CGN: variants seen among roughly 807,000 people sequenced by gnomAD.
CGN encodes the protein cingulin.
In CGN, 121 loss-of-function variants were observed where a neutral mutation model predicts 157.1. That is an observed-to-expected ratio of 0.77 (90% CI 0.66 to 0.90). The LOEUF (loss-of-function observed/expected upper bound fraction) is 0.90. CGN is among the 40% of genes least tolerant of loss of function. The pLI is 0.00. For missense variants in CGN, 1,424 were observed against 1,520.9 expected (o/e 0.94, Z 1.06); for synonymous variants, 535 against 607.5 (o/e 0.88, Z 1.76).
intron 1 of CGN, among the ~76,000 whole-genome samples, chr1:151,516,703 C>T (rs1049113018): frequency 9.9e-5 from 15 of 151,596 alleles, no homozygotes; most frequent in East Asian, 2.0e-4. Context: ...CTACCACGCC[C>T]GGCTGATTTT....
intron 10 of CGN, among the ~76,000 whole-genome samples, 197 bp from the exon 11 acceptor site, chr1:151,529,153 G>C (rs1188131317): frequency 6.6e-6 from 1 of 152,082 alleles, no homozygotes; most frequent in Non-Finnish European, 1.5e-5. Context: ...GGTTCTCTTG[G>C]GTTACCTAAG....
intron 2 of CGN, 24 bp from the exon 3 acceptor site, chr1:151,520,142 T>C: frequency 6.5e-7 from 1 of 1,548,668 alleles, no homozygotes; most frequent in Non-Finnish European, 8.8e-7. Context: ...TTCTTTTTTT[T>C]TTCTTTTTCT....
intron 17 of CGN, 30 bp downstream of exon 17, chr1:151,535,713 T>A: frequency 6.2e-7 from 1 of 1,609,814 alleles, no homozygotes; most frequent in Non-Finnish European, 8.5e-7. Flanking sequence ...TTCTTAGGGA[T>A]GGACCCCAGG....
At chr1:151,533,251 G>A (rs1664879150) in intron 14 of CGN, among the ~76,000 whole-genome samples, 1 of 152,212 alleles carries the variant, frequency 6.6e-6, no homozygotes, top group Non-Finnish European at 1.5e-5. Context: ...GCTGAGGCGG[G>A]CAGATCATGA....
chr1:151,517,029 G>A (rs1664430111), intron 1 of CGN, among the ~76,000 whole-genome samples: 1 of 151,544 alleles, frequency 6.6e-6, no homozygotes, highest in African/African-American at 2.4e-5. Context: ...ATGGTGGCAG[G>A]TGCCTGTAAT....
At position 151,530,122 on chromosome 1, in the gene CGN, G is replaced by T; in HGVS notation, c.2313+7G>T. 6.2e-7 allele frequency: 1 copy of T among 1,607,200 alleles called. No individual in the cohort carries two copies. Among genetic ancestry groups the T allele is most frequent in the Non-Finnish European group, 8.5e-7 (1 of 1,174,698 alleles). ...CAAGCTGCAGCGGCTGGAGGTCAGT[G>T]GTTCTGCCCTCCCAGCCCTCTCTGC... On this transcript the variant is annotated splice_region_variant and intron_variant, in intron 12 of 20. Transcript: ENST00000271636.
chr1:151,525,265 G>T (rs144682122), intron 8 of CGN, among the ~76,000 whole-genome samples: 1 of 152,258 alleles, frequency 6.6e-6, no homozygotes, highest in Admixed American at 6.5e-5. Flanking sequence ...TGGGTGTAGT[G>T]ATGCGTACTT....
intron 5 of CGN, 29 bp downstream of exon 5, chr1:151,520,720 A>G (rs371570014): frequency 6.3e-7 from 1 of 1,586,274 alleles, no homozygotes; most frequent in Non-Finnish European, 8.6e-7. Flanking sequence ...TGCCGGAGGC[A>G]TGAAGGAAAA....
rs527609954 is a variant in CGN at position 151,525,735 on chromosome 1, C to T, written c.1708C>T (p.His570Tyr). Residue 570 changes from histidine (H) to tyrosine (Y), a missense_variant, in exon 9 of 21, where the codon CAT (histidine) becomes TAT (tyrosine). His to Tyr is a moderately conservative substitution (Grantham distance 83, BLOSUM62 2). This residue lies in a region of CGN where 1,187 missense variants were observed against 1,217.6 expected (regional missense o/e 0.97). Coordinates refer to ENST00000271636, the MANE Select transcript of CGN (RefSeq NM_020770.3). ...ELEETSEETG[H>Y]WQSMFQKNKE... ...GGAGGAGACTTCAGAGGAGACAGGG[C>T]ATTGGCAGAGTATGTTCCAGAAGAA... 5 of 1,611,460 alleles carry T rather than the reference C, an allele frequency of 3.1e-6. No homozygotes were observed. The highest frequency in any genetic ancestry group is 4.2e-6 in the Non-Finnish European group (5 of 1,178,656).
At chr1:151,537,018 G>A (rs2102505564) in intron 20 of CGN, 125 bp downstream of exon 20, 1 of 1,235,314 alleles carries the variant, frequency 8.1e-7, no homozygotes, top group South Asian at 1.5e-5. Flanking sequence ...TTTCTGGTTG[G>A]AAGCCAGTAT....
At chr1:151,520,091 C>T (rs1664504877) in intron 2 of CGN, 75 bp from the exon 3 acceptor site, 7 of 1,132,592 alleles carry the variant, frequency 6.2e-6, no homozygotes, top group Non-Finnish European at 8.9e-6. Flanking sequence ...ATCTGAACCC[C>T]ACGCATGCTT....
chr1:151,527,349 G>A (rs760989327), intron 10 of CGN, among the ~76,000 whole-genome samples: 9 of 152,154 alleles, frequency 5.9e-5, no homozygotes, highest in Non-Finnish European at 1.2e-4. Context: ...GCTGCTGGCC[G>A]ACTCCCAAGA....
At position 151,536,250 on chromosome 1, in the gene CGN, C is replaced by A; in HGVS notation, c.3211C>A (p.Leu1071Met). Residue 1071 changes from leucine to methionine, a missense_variant, in exon 19 of 21, where the codon CTG becomes ATG. Around this residue, in one of 3 missense-constraint regions of CGN, gnomAD observed 199 missense variants for 272.2 expected, o/e 0.73. Coordinates refer to ENST00000271636, the MANE Select transcript of CGN (RefSeq NM_020770.3). ...ACCTCACCTTAGGGAGAAGACAGTT[C>A]TGCAGTCTACCAATCGAAAACTGGA... ...LQAEEREKTV[L>M]QSTNRKLERK... is the part of the protein sequence containing the mutation. 6.2e-7 allele frequency: 1 copy of A among 1,601,916 alleles called. No individual in the cohort carries two copies. Among genetic ancestry groups the A allele is most frequent in the Non-Finnish European group, 8.6e-7 (1 of 1,168,856 alleles).
chr1:151,524,237 T>C lies in CGN; in HGVS notation c.1280T>C (p.Met427Thr), dbSNP rs1309306695. The change falls in exon 7 of 21, where the codon ATG becomes ACG. Residue 427 changes from methionine to threonine, a missense_variant. Transcript: ENST00000271636. This position sits in a 1 kb window ranked among gnomAD's most constrained non-coding sequence, Gnocchi z 4.4. ...AQQSNKELQN[M>T]KRLLDQGEDL... is the part of the protein sequence containing the mutation. ...TTATCTATTATTAGGCTCCAGAACA[T>C]GAAGCGCCTCTTGGACCAGGGTGAA... 3 of 1,613,866 alleles carry C rather than the reference T, an allele frequency of 1.9e-6. No homozygotes were observed. Among genetic ancestry groups the C allele is most frequent in the Non-Finnish European group, 2.5e-6 (3 of 1,179,896 alleles).
Position 151,524,557 on chromosome 1 carries a change from GGTACTA to G in CGN, c.1402-115_1402-110del. 1 of 1,134,348 alleles carries G rather than the reference GGTACTA, an allele frequency of 8.8e-7. No individual in the cohort carries two copies. The highest frequency in any genetic ancestry group is 1.3e-6 in the Non-Finnish European group (1 of 788,454). The allele number at this position is 1,134,348 out of a possible 1,614,324, so 70.3% of individuals were successfully genotyped here. A position where few individuals can be genotyped will look rare whatever the true frequency, so the allele number is the denominator to read the frequency against. On this transcript the variant is annotated intron_variant, in intron 7 of 20. Coordinates refer to ENST00000271636, the MANE Select transcript of CGN (RefSeq NM_020770.3). The surrounding 1 kb of genome is among the most constrained non-coding windows in gnomAD (Gnocchi z 4.4). ...ACCTATCATTCTGGGCTCCAGTACT[GGTACTA>G]GAGCACCTGGTACTGTGCCTAATAC...
Position 151,532,570 on chromosome 1 carries a change from G to A in CGN, c.2740G>A (p.Glu914Lys). Residue 914 changes from glutamate (E) to lysine (K), a missense_variant and splice_region_variant, in exon 14 of 21, where the codon GAG (glutamate) becomes AAG (lysine). By Grantham distance (56) the Glu-to-Lys change is moderately conservative (BLOSUM62 1). This residue lies in a region of CGN where 1,187 missense variants were observed against 1,217.6 expected (regional missense o/e 0.97). Coordinates refer to ENST00000271636, the MANE Select transcript of CGN (RefSeq NM_020770.3). ...TGGAGGACTGAGCCGACTTCAGGAT[G>A]AGGTAGAAGTCTAATATCCTTGGGT... ...TSGGLSRLQD[E>K]IQRLRQALQA... 4 of 1,488,716 alleles carry A rather than the reference G, an allele frequency of 2.7e-6. No homozygotes were observed. The highest frequency in any genetic ancestry group is 3.6e-6 in the Non-Finnish European group (4 of 1,115,564). 92.2% of individuals were successfully genotyped at this position (1,488,716 alleles called of 1,614,324 possible). A position where few individuals can be genotyped will look rare whatever the true frequency, so the allele number is the denominator to read the frequency against.
At position 151,513,224 on chromosome 1, in the gene CGN, A is replaced by G. The variant is rs537801366; in HGVS notation, c.-15+1709A>G. Among the ~76,000 whole-genome samples, 3 of 152,144 alleles carry G rather than the reference A, an allele frequency of 2.0e-5. No individual in the cohort carries two copies. In the South Asian group the frequency reaches 6.2e-4, roughly 32 times the overall value. On this transcript the variant is annotated intron_variant, in intron 1 of 20. Coordinates refer to ENST00000271636, the MANE Select transcript of CGN (RefSeq NM_020770.3). ...GTGTGGAATTTCTCTGGTCTGCTTT[A>G]CAAGCTGCCAGTGTAGTTTCCCCGG...
At chr1:151,520,001 A>C (rs1451391849) in intron 2 of CGN, among the ~76,000 whole-genome samples, 165 bp from the exon 3 acceptor site, 2 of 152,170 alleles carry the variant, frequency 1.3e-5, no homozygotes, top group African/African-American at 4.8e-5. Context: ...TCAGGCCTCC[A>C]CAGCATGTTT....
chr1:151,532,604 C>T (rs184486285), intron 14 of CGN, 32 bp downstream of exon 14: 20 of 1,235,610 alleles, frequency 1.6e-5, no homozygotes, highest in Non-Finnish European at 2.0e-5. Context: ...GTTTGAAGGT[C>T]CTTGCCTCTT....
Sources: allele counts gnomAD v4.1 joint callset (sites outside exome capture counted in the v4.1 genomes callset), GRCh38; gene constraint gnomAD v4.1.1; regional missense constraint gnomAD v4.1.1; non-coding constraint Gnocchi (gnomAD v3.1); transcripts MANE v1.5; gene names NCBI Gene and HGNC (gene_info 2026-07-23, HGNC 2026-07-21).